Variants in EPB41 observed in about 807,000 individuals in gnomAD.
The protein encoded by EPB41 is protein 4.1.
EPB41 carries 65 observed loss-of-function variants against 108.0 expected under a neutral mutation model. The ratio of observed to expected loss-of-function variants is 0.60; its 90% CI spans 0.49 to 0.74. The LOEUF (loss-of-function observed/expected upper bound fraction) is 0.74. Ranked by LOEUF, EPB41 falls within the 30% of genes least tolerant of loss-of-function variation. The probability of loss-of-function intolerance (pLI) is 0.00; values close to 1 mark genes in which losing one functional copy is unlikely to be tolerated. For synonymous variants in EPB41, 336 were observed against 358.9 expected, an observed-to-expected ratio of 0.94 and a Z score of 0.72; for missense variants, 875 against 1,037.0, an observed-to-expected ratio of 0.84 and a Z score of 2.15.
chr1:28,940,371 G>A (rs1377996384), intron 1 of EPB41, among the ~76,000 whole-genome samples: 1 of 152,160 alleles, frequency 6.6e-6, no homozygotes, highest in Admixed American at 6.5e-5. Flanking sequence ...TTAGTATTTC[G>A]CCAGGGGCGG....
intron 1 of EPB41, among the ~76,000 whole-genome samples, chr1:28,937,160 A>G (rs994330349): frequency 1.3e-5 from 2 of 152,188 alleles, no homozygotes; most frequent in Non-Finnish European, 1.5e-5. Context: ...TTCCGTAATG[A>G]CTAATGATGT....
In EPB41 at chr1:29,066,196, G is replaced by A. The variant is rs529657456; in HGVS notation, c.2184+1038G>A. On this transcript the variant is annotated intron_variant, in intron 16 of 20. Transcript: ENST00000343067. Reference sequence around the variant, plus strand: ...AGCACTTTGGGAGGCTGAGGTGGGCGGATCATGAGGTCAGGAGTTCGAGAC... The same window carrying A: ...AGCACTTTGGGAGGCTGAGGTGGGCAGATCATGAGGTCAGGAGTTCGAGAC... Among the ~76,000 whole-genome samples, 219 of 151,872 alleles carry A rather than the reference G, an allele frequency of 1.4e-3. 1 individual carries two copies. Among genetic ancestry groups the A allele is most frequent in the African/African-American group, 3.9e-3 (161 of 41,408 alleles).
intron 5 of EPB41, among the ~76,000 whole-genome samples, chr1:29,012,292 A>G (rs375911086): frequency 2.0e-5 from 3 of 152,220 alleles, no homozygotes; most frequent in African/African-American, 7.2e-5. Flanking sequence ...GCCGTATCCT[A>G]TTCCTTTGAA....
chr1:28,943,659 A>AG, intron 1 of EPB41, among the ~76,000 whole-genome samples: 1 of 152,244 alleles, frequency 6.6e-6, no homozygotes, highest in East Asian at 1.9e-4. Flanking sequence ...AGGAAAAAAA[A>AG]AAACAAAACA....
At chr1:28,897,513 T>C (rs2090793671) in intron 1 of EPB41, among the ~76,000 whole-genome samples, 1 of 150,844 alleles carries the variant, frequency 6.6e-6, no homozygotes, top group Non-Finnish European at 1.5e-5. Context: ...TGCACCATTA[T>C]GCTCCAGCCT....
At chr1:29,106,702 T>C (rs890534039) in intron 17 of EPB41, among the ~76,000 whole-genome samples, 8 of 149,096 alleles carry the variant, frequency 5.4e-5, no homozygotes, top group African/African-American at 9.8e-5. Flanking sequence ...GCCTCCTGAG[T>C]GGCTGGGACG....
intron 16 of EPB41, among the ~76,000 whole-genome samples, chr1:29,087,009 A>T (rs551929270): frequency 6.9e-6 from 1 of 145,084 alleles, no homozygotes; most frequent in African/African-American, 2.6e-5. Flanking sequence ...CAGTGGCACA[A>T]TCTTGGCTCA....
chr1:29,114,468 C>T (rs915730205), intron 19 of EPB41, among the ~76,000 whole-genome samples: 1 of 151,996 alleles, frequency 6.6e-6, no homozygotes, highest in Admixed American at 6.6e-5. Flanking sequence ...GGTGGCAAAA[C>T]ACTGTCTCTA....
At chr1:29,059,191 C>T (rs1283776931) in intron 14 of EPB41, among the ~76,000 whole-genome samples, 1 of 152,146 alleles carries the variant, frequency 6.6e-6, no homozygotes, top group African/African-American at 2.4e-5. Context: ...ATGAGAATCA[C>T]TTGAACCTGG....
intron 2 of EPB41, among the ~76,000 whole-genome samples, 200 bp downstream of exon 2, chr1:28,988,105 G>A (rs2095910944): frequency 6.6e-6 from 1 of 152,200 alleles, no homozygotes; most frequent in Non-Finnish European, 1.5e-5. Flanking sequence ...TCTACTAAAA[G>A]TACAAAAATT....
rs2249138 is a variant in EPB41 at position 29,117,211 on chromosome 1, A to G, written c.*399A>G. The G allele has an allele frequency of 0.82, 125,783 of 152,522 alleles. 52,360 individuals carry two copies. The highest frequency in any genetic ancestry group is 0.89 in the Middle Eastern group (261 of 292). 9.4% of individuals were successfully genotyped at this position (152,522 alleles called of 1,614,324 possible). A position where few individuals can be genotyped will look rare whatever the true frequency, so the allele number is the denominator to read the frequency against. On this transcript the variant is annotated 3_prime_UTR_variant, in exon 21 of 21. Transcript: ENST00000343067. ...AAGGACTCTTGTCAGCTGTGTTGGA[A>G]GCCAAAGCCAGCTTAGTGGGACTTC... is the stretch of plus-strand genomic sequence containing the variant.
chr1:28,989,488 A>T (rs1448147278), intron 2 of EPB41: 5 of 652,896 alleles, frequency 7.7e-6, no homozygotes, highest in Non-Finnish European at 9.5e-6. Flanking sequence ...TAAAAGTCCT[A>T]CATGTTTCTA....
intron 1 of EPB41, among the ~76,000 whole-genome samples, chr1:28,963,529 C>CTACT (rs2095281759): frequency 1.3e-5 from 2 of 152,198 alleles, no homozygotes; most frequent in Non-Finnish European, 2.9e-5. Flanking sequence ...CTCTGATGAG[C>CTACT]AGTAACTCAG....
At chr1:29,077,685 G>A (rs61783681) in intron 16 of EPB41, among the ~76,000 whole-genome samples, 10 of 152,090 alleles carry the variant, frequency 6.6e-5, no homozygotes, top group Non-Finnish European at 1.3e-4. Flanking sequence ...TCTGTAAAGT[G>A]CCAAATAATA....
intron 1 of EPB41, among the ~76,000 whole-genome samples, chr1:28,937,314 G>A (rs2094075018): frequency 2.0e-5 from 3 of 152,222 alleles, no homozygotes; most frequent in African/African-American, 4.8e-5. Context: ...ACCTTTATCA[G>A]GCATATAATT....
At chr1:28,960,534 T>A (rs2095160282) in intron 1 of EPB41, among the ~76,000 whole-genome samples, 1 of 123,572 alleles carries the variant, frequency 8.1e-6, no homozygotes, top group Non-Finnish European at 1.6e-5. Flanking sequence ...TTGAGACCAG[T>A]CGGGCAATGT....
At chr1:29,011,135 AAAAG>A (rs1437931012) in intron 4 of EPB41, among the ~76,000 whole-genome samples, 1 of 151,000 alleles carries the variant, frequency 6.6e-6, no homozygotes, top group Non-Finnish European at 1.5e-5. Flanking sequence ...AAAAAAAAAA[AAAAG>A]AAAAAAAAGA....
intron 10 of EPB41, among the ~76,000 whole-genome samples, chr1:29,037,818 G>C (rs1012013718): frequency 6.6e-6 from 1 of 152,170 alleles, no homozygotes; most frequent in Non-Finnish European, 1.5e-5. Context: ...ACAGGCGTGA[G>C]CCACTGCACT....
chr1:28,968,973 C>G (rs997522548), intron 1 of EPB41, among the ~76,000 whole-genome samples: 4 of 124,940 alleles, frequency 3.2e-5, no homozygotes, highest in African/African-American at 7.4e-5. Flanking sequence ...TCCAAAACCC[C>G]CCACCCCCCA....
Sources: allele counts gnomAD v4.1 joint callset (sites outside exome capture counted in the v4.1 genomes callset), GRCh38; gene constraint gnomAD v4.1.1; transcripts MANE v1.5; gene names NCBI Gene and HGNC (gene_info 2026-07-23, HGNC 2026-07-21).